The following KHDRBS2 variants were observed in gnomAD, a reference collection of about 807,000 sequenced individuals.
KHDRBS2 encodes KH RNA binding domain containing, signal transduction associated 2.
Under a neutral mutation model 44.3 loss-of-function variants are expected in KHDRBS2, and 26 were observed. The observed-to-expected ratio is 0.59, with a 90% confidence interval of 0.43 to 0.81. The LOEUF is 0.81. KHDRBS2 is among the 40% of genes least tolerant of loss of function. The pLI is 0.00. For synonymous variants in KHDRBS2, 194 were observed against 151.1 expected, an observed-to-expected ratio of 1.28 and a Z score of -2.08; for missense variants, 476 against 433.1, an observed-to-expected ratio of 1.10 and a Z score of -0.88.
intron 2 of KHDRBS2, among the ~76,000 whole-genome samples, chr6:62,103,522 C>A (rs1374038922): frequency 6.6e-6 from 1 of 152,054 alleles, no homozygotes; most frequent in South Asian, 2.1e-4. Flanking sequence ...CACTTCTTAG[C>A]CTGCGAAAGC....
At chr6:61,922,339 A>G (rs1383992423) in intron 4 of KHDRBS2, among the ~76,000 whole-genome samples, 1 of 152,082 alleles carries the variant, frequency 6.6e-6, no homozygotes, top group Non-Finnish European at 1.5e-5. Context: ...AAATTATGGC[A>G]CAGAGAGGAG....
chr6:61,783,203 T>C (rs1237874770), intron 6 of KHDRBS2, among the ~76,000 whole-genome samples: 2 of 152,148 alleles, frequency 1.3e-5, no homozygotes, highest in Admixed American at 1.3e-4. Context: ...ATATAATTTA[T>C]TTGTAATCAG....
intron 2 of KHDRBS2, among the ~76,000 whole-genome samples, chr6:62,053,055 A>G (rs1191279591): frequency 1.3e-5 from 2 of 152,086 alleles, no homozygotes; most frequent in East Asian, 1.9e-4. Flanking sequence ...TTGCTTCACT[A>G]CAGTAAACAT....
At chr6:62,122,008 C>A (rs1262663328) in intron 2 of KHDRBS2, among the ~76,000 whole-genome samples, 1 of 152,028 alleles carries the variant, frequency 6.6e-6, no homozygotes, top group Non-Finnish European at 1.5e-5. Context: ...ATTTTGGAGG[C>A]AACATATTCT....
rs773442637 is a variant in KHDRBS2 at position 61,894,787 on chromosome 6, C to T, written c.658G>A (p.Val220Ile). ...ACAGTGCTTCCCCGAGGGGTGAGAA[C>T]ACCTCGTCCAGGTGGTGGGGGAGGA... ...IPPPPPPGRG[V>I]LTPRGSTVTR... The change falls in exon 6 of 9, where the codon GTT becomes ATT. Residue 220 changes from valine (V) to isoleucine (I), a missense_variant. Transcript: ENST00000281156. 2.2e-5 allele frequency: 35 copies of T among 1,612,926 alleles called. No individual in the cohort carries two copies. The highest frequency in any genetic ancestry group is 2.8e-5 in the Non-Finnish European group (33 of 1,179,688).
rs535569017 is a variant in KHDRBS2 at position 62,049,297 on chromosome 6, G to GAACAA, written c.220-1308_220-1304dup. Among the ~76,000 whole-genome samples, 428 of 151,156 alleles carry GAACAA rather than the reference G, an allele frequency of 2.8e-3. 1 individual carries two copies. The highest frequency in any genetic ancestry group is 4.1e-3 in the Non-Finnish European group (276 of 67,634). On this transcript the variant is annotated intron_variant, in intron 2 of 8. Coordinates refer to ENST00000281156, the MANE Select transcript of KHDRBS2 (RefSeq NM_152688.4). ...AACAATTGAATATCAGTATGAAAAA[G>GAACAA]AACAAAACAAAACAAAAAAGGAAAC...
intron 2 of KHDRBS2, among the ~76,000 whole-genome samples, chr6:62,106,619 T>A (rs576250899): frequency 6.2e-4 from 94 of 152,268 alleles, no homozygotes; most frequent in African/African-American, 2.2e-3. Flanking sequence ...GAGGCCAGCA[T>A]CATCCTGATA....
chr6:61,566,104 T>C, the KHDRBS2 span, among the ~76,000 whole-genome samples: 1 of 151,888 alleles, frequency 6.6e-6, no homozygotes, highest in Non-Finnish European at 1.5e-5. Context: ...TGGATGGAAC[T>C]GAAGGATGTT....
chr6:61,637,530 G>T, the KHDRBS2 span, among the ~76,000 whole-genome samples: 2 of 152,030 alleles, frequency 1.3e-5, no homozygotes, highest in Non-Finnish European at 2.9e-5. Flanking sequence ...ATGATTTATA[G>T]TCCTTTGGGT....
At chr6:61,564,251 T>C in the KHDRBS2 span, among the ~76,000 whole-genome samples, 1 of 152,162 alleles carries the variant, frequency 6.6e-6, no homozygotes, top group African/African-American at 2.4e-5. Flanking sequence ...CATGCTTTCA[T>C]GAAGTGTTCT....
chr6:62,142,983 G>T (rs1813176420), intron 2 of KHDRBS2, among the ~76,000 whole-genome samples: 1 of 149,096 alleles, frequency 6.7e-6, no homozygotes, highest in Non-Finnish European at 1.5e-5. Context: ...CATATATACT[G>T]GAAAACATAG....
At chr6:61,772,853 A>C (rs527618202) in intron 6 of KHDRBS2, among the ~76,000 whole-genome samples, 1 of 152,060 alleles carries the variant, frequency 6.6e-6, no homozygotes, top group East Asian at 1.9e-4. Flanking sequence ...ATGTCTTCTA[A>C]TTGTTCAATT....
chr6:61,755,205 T>C (rs551629051), intron 6 of KHDRBS2, among the ~76,000 whole-genome samples: 21 of 152,278 alleles, frequency 1.4e-4, no homozygotes, highest in Admixed American at 1.1e-3. Context: ...AAAGTATTTT[T>C]AAAAGAATTA....
chr6:61,806,315 C>T (rs1047910902), intron 6 of KHDRBS2, among the ~76,000 whole-genome samples: 2 of 152,096 alleles, frequency 1.3e-5, no homozygotes, highest in Non-Finnish European at 2.9e-5. Flanking sequence ...ATCCTTGGGA[C>T]CACTATGGCA....
At chr6:61,892,599 A>G (rs1296109038) in intron 6 of KHDRBS2, among the ~76,000 whole-genome samples, 9 of 152,158 alleles carry the variant, frequency 5.9e-5, no homozygotes, top group Admixed American at 1.3e-4. Context: ...ATAATGCCAC[A>G]TATCTACAAC....
At chr6:61,920,543 A>C (rs1807889269) in intron 4 of KHDRBS2, among the ~76,000 whole-genome samples, 1 of 151,994 alleles carries the variant, frequency 6.6e-6, no homozygotes, top group African/African-American at 2.4e-5. Context: ...TAAATCATGA[A>C]GTGCTAAGTA....
At chr6:61,640,382 T>C in the KHDRBS2 span, among the ~76,000 whole-genome samples, 1 of 152,136 alleles carries the variant, frequency 6.6e-6, no homozygotes, top group Non-Finnish European at 1.5e-5. Context: ...AAAGTAATTA[T>C]TCAGTTATTT....
chr6:61,946,870 CCAACT>C (rs1391825177), intron 4 of KHDRBS2, among the ~76,000 whole-genome samples: 1 of 152,072 alleles, frequency 6.6e-6, no homozygotes, highest in Non-Finnish European at 1.5e-5. Context: ...TTTCACTGGC[CCAACT>C]CAGATACTCC....
At chr6:62,215,953 T>C (rs1191447029) in intron 1 of KHDRBS2, among the ~76,000 whole-genome samples, 1 of 151,820 alleles carries the variant, frequency 6.6e-6, no homozygotes, top group Non-Finnish European at 1.5e-5. Flanking sequence ...ATAAACTATA[T>C]TTCCGTGAAG....
Sources: gnomAD v4.1 joint callset for allele counts (sites outside exome capture counted in the v4.1 genomes callset) on GRCh38, gnomAD v4.1.1 for gene constraint, MANE v1.5 for transcripts, NCBI Gene and HGNC (gene_info 2026-07-23, HGNC 2026-07-21) for gene names.